The following STIM2 variants were observed in gnomAD, a reference collection of about 807,000 sequenced individuals.
STIM2 encodes the protein stromal interaction molecule 2.
In STIM2, 31 loss-of-function variants were observed where a neutral mutation model predicts 85.8. The ratio of observed to expected loss-of-function variants is 0.36; its 90% CI spans 0.27 to 0.49. The LOEUF is 0.49. Ranked by LOEUF, STIM2 falls within the 20% of genes least tolerant of loss-of-function variation. STIM2 has a pLI of 0.98. For missense variants in STIM2, 841 were observed against 927.6 expected (o/e 0.91, Z 1.21); for synonymous variants, 356 against 331.1 (o/e 1.08, Z -0.82).
chr4:26,978,866 T>G (rs888789637), intron 3 of STIM2, among the ~76,000 whole-genome samples: 3 of 151,988 alleles, frequency 2.0e-5, no homozygotes, highest in Non-Finnish European at 2.9e-5. Context: ...GGATGCAGGG[T>G]TGGGTGGGTG....
chr4:26,874,196 T>C, intron 1 of STIM2: 1 of 484,670 alleles, frequency 2.1e-6, no homozygotes, highest in South Asian at 1.6e-5. Flanking sequence ...GCAGCCTCCT[T>C]TGGAACTGTC....
intron 1 of STIM2, among the ~76,000 whole-genome samples, chr4:26,877,419 T>G (rs1415315082): frequency 6.6e-6 from 1 of 152,186 alleles, no homozygotes; most frequent in Admixed American, 6.5e-5. Flanking sequence ...TTTAACATAT[T>G]TATGAATCAT....
chr4:26,910,861 A>G (rs557697216), intron 1 of STIM2, among the ~76,000 whole-genome samples: 6 of 152,220 alleles, frequency 3.9e-5, no homozygotes, highest in African/African-American at 1.4e-4. Flanking sequence ...TAGGAGTGAA[A>G]TAATCAGAAT....
At chr4:26,916,242 G>T (rs1335434286) in intron 1 of STIM2, among the ~76,000 whole-genome samples, 3 of 152,192 alleles carry the variant, frequency 2.0e-5, no homozygotes, top group African/African-American at 4.8e-5. Context: ...TAAAAGCCTT[G>T]AGTCTTACTT....
At chr4:27,009,356 A>C (rs1457631105) in intron 10 of STIM2, among the ~76,000 whole-genome samples, 1 of 152,184 alleles carries the variant, frequency 6.6e-6, no homozygotes, top group Non-Finnish European at 1.5e-5. Context: ...AATTGAAATG[A>C]GGAGTCATAT....
chr4:26,929,947 T>C (rs1324754554), intron 2 of STIM2, among the ~76,000 whole-genome samples: 3 of 152,140 alleles, frequency 2.0e-5, no homozygotes, highest in African/African-American at 7.2e-5. Context: ...AAGTGTATCA[T>C]GTGTACAGTA....
chr4:26,991,182 A>C (rs901262680), intron 3 of STIM2, among the ~76,000 whole-genome samples: 1 of 152,154 alleles, frequency 6.6e-6, no homozygotes, highest in Admixed American at 6.5e-5. Flanking sequence ...AATCAACCTA[A>C]GTGTCCATCA....
At chr4:26,884,242 A>G (rs1723126742) in intron 1 of STIM2, among the ~76,000 whole-genome samples, 1 of 152,190 alleles carries the variant, frequency 6.6e-6, no homozygotes, top group African/African-American at 2.4e-5. Flanking sequence ...AAATGAAATA[A>G]CATGTGTTCT....
At chr4:26,903,964 A>T (rs1018455337) in intron 1 of STIM2, among the ~76,000 whole-genome samples, 14 of 151,606 alleles carry the variant, frequency 9.2e-5, no homozygotes, top group Non-Finnish European at 1.8e-4. Context: ...TTTTTATTAT[A>T]CTTTAAGTTT....
At chr4:27,021,781 G>A (rs1728922061) in intron 11 of STIM2, among the ~76,000 whole-genome samples, 1 of 152,146 alleles carries the variant, frequency 6.6e-6, no homozygotes, top group African/African-American at 2.4e-5. Context: ...GGGAGCAGGG[G>A]ACATAATAAG....
chr4:26,962,608 G>A (rs201769184), intron 3 of STIM2, among the ~76,000 whole-genome samples: 857 of 85,628 alleles, frequency 0.01, 5 homozygotes, highest in Middle Eastern at 0.021. Flanking sequence ...GTGTATGTGT[G>A]TCTGTGTCTG....
At chr4:26,967,603 C>A (rs1055449969) in intron 3 of STIM2, among the ~76,000 whole-genome samples, 6 of 152,194 alleles carry the variant, frequency 3.9e-5, no homozygotes, top group African/African-American at 1.4e-4. Context: ...TACTGCTGAG[C>A]AGACATTTTG....
At chr4:26,910,299 A>T (rs9654109) in intron 1 of STIM2, among the ~76,000 whole-genome samples, 69,371 of 151,916 alleles carry the variant, frequency 0.46, 15,924 homozygotes, top group East Asian at 0.63. Context: ...AGGCAGGTGG[A>T]TCACTTGTGG....
chr4:26,967,819 C>G (rs1247651934), intron 3 of STIM2, among the ~76,000 whole-genome samples: 2 of 152,078 alleles, frequency 1.3e-5, no homozygotes, highest in Non-Finnish European at 2.9e-5. Context: ...TCCTCTTCCC[C>G]CTCCCCCCTC....
intron 10 of STIM2, 30 bp from the exon 11 acceptor site, chr4:27,017,681 T>C (rs959320377): frequency 1.9e-6 from 3 of 1,610,786 alleles, no homozygotes; most frequent in Non-Finnish European, 2.5e-6. Flanking sequence ...CTGGACTTCA[T>C]GAGCATGTTT....
chr4:27,011,061 T>C (rs1728538636), intron 10 of STIM2, among the ~76,000 whole-genome samples: 1 of 152,240 alleles, frequency 6.6e-6, no homozygotes, highest in Non-Finnish European at 1.5e-5. Flanking sequence ...TTTTTCTTTA[T>C]CTTTTTCTCT....
chr4:26,933,297 A>G (rs189524673), intron 2 of STIM2, among the ~76,000 whole-genome samples: 164 of 152,326 alleles, frequency 1.1e-3, no homozygotes, highest in African/African-American at 3.6e-3. Context: ...GAAGTTGGAA[A>G]GTTAACAGAA....
At chr4:26,927,849 A>G (rs192186003) in intron 2 of STIM2, among the ~76,000 whole-genome samples, 1 of 136,154 alleles carries the variant, frequency 7.3e-6, no homozygotes, top group Non-Finnish European at 1.5e-5. Flanking sequence ...ATTATATATT[A>G]ATATATAATT....
chr4:26,865,354 G>T (rs1447369098), intron 1 of STIM2, among the ~76,000 whole-genome samples: 2 of 152,128 alleles, frequency 1.3e-5, no homozygotes, highest in African/African-American at 4.8e-5. Context: ...CCTCTGTTGG[G>T]AATCTCATAG....
Sources: allele counts gnomAD v4.1 joint callset (sites outside exome capture counted in the v4.1 genomes callset), GRCh38; gene constraint gnomAD v4.1.1; transcripts MANE v1.5; gene names NCBI Gene and HGNC (gene_info 2026-07-23, HGNC 2026-07-21).